The following STAM variants were observed in gnomAD, a reference collection of about 807,000 sequenced individuals.
STAM encodes signal transducing adapter molecule 1.
A neutral mutation model predicts 63.4 loss-of-function variants in STAM; 16 were observed. The observed-to-expected ratio is 0.25, with a 90% CI of 0.17 to 0.38. The LOEUF (loss-of-function observed/expected upper bound fraction) is 0.38. STAM is among the 10% of genes least tolerant of loss of function. The probability of loss-of-function intolerance (pLI) is 1.00; values close to 1 mark genes in which losing one functional copy is unlikely to be tolerated. For synonymous variants in STAM, 238 were observed against 223.9 expected (o/e 1.06, Z -0.56); for missense variants, 636 against 657.1 (o/e 0.97, Z 0.35).
At chr10:17,680,016 C>CT (rs1835015598) in intron 2 of STAM, among the ~76,000 whole-genome samples, 1 of 151,728 alleles carries the variant, frequency 6.6e-6, no homozygotes, top group East Asian at 1.9e-4. Context: ...TTTGTTGATC[C>CT]TTTAAAAAAA....
At position 17,652,286 on chromosome 10, in the gene STAM, T is replaced by C. The variant is rs74120046; in HGVS notation, c.40+7907T>C. ...TTGTTCTTTTATAACTGAGAAGAAT[T>C]GTGCCACTGATTTTGATGATTTTGA... On this transcript the variant is annotated intron_variant, in intron 1 of 13. Transcript: ENST00000377524. 6.6e-3 allele frequency among the ~76,000 whole-genome samples: 1,004 copies of C among 152,310 alleles called. 10 individuals carry two copies. Among genetic ancestry groups the C allele is most frequent in the African/African-American group, 0.023 (948 of 41,552 alleles).
Position 17,693,273 on chromosome 10 carries a change from A to G in STAM, c.496A>G (p.Thr166Ala), listed in dbSNP as rs1589088523. Residue 166 changes from threonine (T) to alanine (A), a missense_variant, in exon 6 of 14, where the codon ACT becomes GCT. Coordinates refer to ENST00000377524, the MANE Select transcript of STAM (RefSeq NM_003473.4). ...AGCTCTTGTAGCCAAGGATCCTGGTACTGTGGCTAACAAAAAAGAAGAAGA... is the reference window on the plus strand; with the variant it reads ...AGCTCTTGTAGCCAAGGATCCTGGTGCTGTGGCTAACAAAAAAGAAGAAGA... ...SPALVAKDPG[T>A]VANKKEEEDL... The G allele has an allele frequency of 1.2e-6, 2 of 1,613,248 alleles. No individual in the cohort carries two copies. The highest frequency in any genetic ancestry group is 1.7e-6 in the Non-Finnish European group (2 of 1,179,798).
chr10:17,654,457 C>T (rs553717032), intron 1 of STAM, among the ~76,000 whole-genome samples: 9 of 151,996 alleles, frequency 5.9e-5, no homozygotes, highest in Admixed American at 2.0e-4. Context: ...CTCCTGACCT[C>T]GTGATCCGCC....
intron 5 of STAM, among the ~76,000 whole-genome samples, chr10:17,689,569 A>G (rs1835443279): frequency 6.6e-6 from 1 of 152,252 alleles, no homozygotes; most frequent in Non-Finnish European, 1.5e-5. Context: ...ACTACTCAGT[A>G]TAGTTTCTAG....
intron 1 of STAM, among the ~76,000 whole-genome samples, chr10:17,656,237 TG>T (rs1833932102): frequency 6.9e-6 from 1 of 144,096 alleles, no homozygotes; most frequent in Non-Finnish European, 1.5e-5. Flanking sequence ...GAGGTTGCAG[TG>T]AGCCGAGATC....
At chr10:17,648,991 CTT>C (rs1833632063) in intron 1 of STAM, among the ~76,000 whole-genome samples, 1 of 152,180 alleles carries the variant, frequency 6.6e-6, no homozygotes, top group South Asian at 2.1e-4. Flanking sequence ...ATATGGTACT[CTT>C]TGCCTGGGAT....
intron 2 of STAM, among the ~76,000 whole-genome samples, chr10:17,683,509 G>A (rs1301828689): frequency 1.3e-5 from 2 of 152,038 alleles, no homozygotes; most frequent in Non-Finnish European, 2.9e-5. Flanking sequence ...TGGTGGCTCT[G>A]TGTTAAATTT....
In STAM at chr10:17,712,325, T is replaced by C. The variant is rs570757991; in HGVS notation, c.1386-2218T>C. 2.0e-5 allele frequency among the ~76,000 whole-genome samples: 3 copies of C among 152,324 alleles called. No homozygotes were observed. In the South Asian group the frequency reaches 6.2e-4, roughly 32 times the overall value. On this transcript the variant is annotated intron_variant, in intron 13 of 13. Coordinates refer to ENST00000377524, the MANE Select transcript of STAM (RefSeq NM_003473.4). Reference sequence around the variant, plus strand: ...CATTCTGACTCCAGAACCCAGCGCATAGACTCTATATTACGGCAATATTAT... The same window carrying C: ...CATTCTGACTCCAGAACCCAGCGCACAGACTCTATATTACGGCAATATTAT...
Position 17,714,905 on chromosome 10 carries a change from A to G in STAM, c.*125A>G. On this transcript the variant is annotated 3_prime_UTR_variant, in exon 14 of 14. Coordinates refer to ENST00000377524, the MANE Select transcript of STAM (RefSeq NM_003473.4). ...GAATCTCTCCAGGTCAACAGGTTCA[A>G]ATATTCAAGAAGGTAGAACTCTCCT... is the stretch of plus-strand genomic sequence containing the variant. 1.1e-6 allele frequency: 1 copy of G among 931,576 alleles called. No homozygotes were observed. 57.7% of individuals were successfully genotyped at this position (931,576 alleles called of 1,614,324 possible).
At chr10:17,667,849 A>G (rs1471411280) in intron 2 of STAM, among the ~76,000 whole-genome samples, 1 of 152,260 alleles carries the variant, frequency 6.6e-6, no homozygotes, top group East Asian at 1.9e-4. Flanking sequence ...TACAAGGTAG[A>G]GAAAACTTGA....
At position 17,700,245 on chromosome 10, in the gene STAM, T is replaced by C. The variant is rs1554828187; in HGVS notation, c.878T>C (p.Ile293Thr). 5 of 1,610,030 alleles carry C rather than the reference T, an allele frequency of 3.1e-6. No individual in the cohort carries two copies. In the East Asian group the frequency reaches 1.1e-4, roughly 36 times the overall value. Residue 293 changes from isoleucine to threonine, a missense_variant, in exon 9 of 14, where the codon ATA becomes ACA. By Grantham distance (89) the Ile-to-Thr change is moderately conservative (BLOSUM62 -1). Around this residue, in one of 3 missense-constraint regions of STAM, gnomAD observed 532 missense variants for 536.9 expected, o/e 0.99. Transcript: ENST00000377524. ...QFSDDVQVET[I>T]EPEPEPAFID... ...AGTGATGATGTTCAGGTAGAGACAA[T>C]AGAACCAGAGCCGGAACCAGCCTTT...
chr10:17,658,409 G>A (rs1834028554), intron 1 of STAM, among the ~76,000 whole-genome samples: 1 of 152,066 alleles, frequency 6.6e-6, no homozygotes, highest in Non-Finnish European at 1.5e-5. Flanking sequence ...GTATTCTGTT[G>A]TTTTTGGATG....
rs1473698407 is a variant in STAM, at chr10:17,691,541, T to G, written c.445-1681T>G. 3.3e-5 allele frequency among the ~76,000 whole-genome samples: 5 copies of G among 151,880 alleles called. No homozygotes were observed. In the South Asian group the frequency reaches 8.3e-4, roughly 25 times the overall value. On this transcript the variant is annotated intron_variant, in intron 5 of 13. Coordinates refer to ENST00000377524, the MANE Select transcript of STAM (RefSeq NM_003473.4). ...AAATAAATAAATAAATAAATGCCTG[T>G]GCATTTGTTTGACAACACGAAATCC...
At chr10:17,673,374 C>T (rs1438189413) in intron 2 of STAM, among the ~76,000 whole-genome samples, 5 of 152,096 alleles carry the variant, frequency 3.3e-5, no homozygotes, top group Non-Finnish European at 7.4e-5. Flanking sequence ...ATTAGTTGTA[C>T]AATAGTGAAA....
rs568999505 is a variant in STAM at position 17,688,078 on chromosome 10, G to T, written c.349G>T (p.Asp117Tyr). 2 of 1,609,890 alleles carry T rather than the reference G, an allele frequency of 1.2e-6. No individual in the cohort carries two copies. Among genetic ancestry groups the T allele is most frequent in the Non-Finnish European group, 1.7e-6 (2 of 1,178,132 alleles). Residue 117 changes from aspartate to tyrosine, a missense_variant, in exon 5 of 14, where the codon GAT (aspartate) becomes TAT (tyrosine). Physicochemically the swap from Asp to Tyr is radical, Grantham distance 160. This residue lies in a region of STAM where 532 missense variants were observed against 536.9 expected (regional missense o/e 0.99). Coordinates refer to ENST00000377524, the MANE Select transcript of STAM (RefSeq NM_003473.4). The part of the protein sequence containing the change: ...KLKALMVEWT[D>Y]EFKNDPQLSL... ...AAAGGCTCTTATGGTTGAATGGACAGATGAATTTAAGAATGATCCACAGCT... is the reference window on the plus strand; with the variant it reads ...AAAGGCTCTTATGGTTGAATGGACATATGAATTTAAGAATGATCCACAGCT...
chr10:17,669,532 A>G (rs1339659941), intron 2 of STAM, among the ~76,000 whole-genome samples: 1 of 152,070 alleles, frequency 6.6e-6, no homozygotes, highest in Non-Finnish European at 1.5e-5. Context: ...ATCCGAGAAC[A>G]TAGCATCTCT....
chr10:17,655,896 G>C (rs1225926024), intron 1 of STAM, among the ~76,000 whole-genome samples: 1 of 152,108 alleles, frequency 6.6e-6, no homozygotes, highest in African/African-American at 2.4e-5. Flanking sequence ...CTGTACAGCT[G>C]TTGTTTTGAA....
At chr10:17,697,611 G>C (rs1554827759) in intron 8 of STAM, among the ~76,000 whole-genome samples, 1 of 152,194 alleles carries the variant, frequency 6.6e-6, no homozygotes, top group African/African-American at 2.4e-5. Flanking sequence ...TACATAGTCG[G>C]TCAAAGTAGT....
At chr10:17,670,009 C>T (rs548879709) in intron 2 of STAM, among the ~76,000 whole-genome samples, 2 of 151,058 alleles carry the variant, frequency 1.3e-5, no homozygotes, top group Admixed American at 6.6e-5. Context: ...GGATCACAGG[C>T]GTGAGCCACT....
Sources: gnomAD v4.1 joint callset for allele counts (sites outside exome capture counted in the v4.1 genomes callset) on GRCh38, gnomAD v4.1.1 for gene constraint, gnomAD v4.1.1 regional missense constraint, MANE v1.5 for transcripts, NCBI Gene and HGNC (gene_info 2026-07-23, HGNC 2026-07-21) for gene names.